LSAMP: variants seen among roughly 807,000 people sequenced by gnomAD.
The protein encoded by LSAMP is limbic system-associated membrane protein.
Under a neutral mutation model 38.6 loss-of-function variants are expected in LSAMP, and 7 were observed. The ratio of observed to expected loss-of-function variants is 0.18; its 90% CI spans 0.10 to 0.34. The LOEUF is 0.34. Among genes scored for constraint, LSAMP ranks in the 10% least tolerant of loss-of-function variants. The probability of loss-of-function intolerance (pLI) is 1.00; values close to 1 mark genes in which losing one functional copy is unlikely to be tolerated. For missense variants in LSAMP, 313 were observed against 420.0 expected, an observed-to-expected ratio of 0.75 and a Z score of 2.23; for synonymous variants, 154 against 166.8, an observed-to-expected ratio of 0.92 and a Z score of 0.59.
At chr3:116,265,554 A>G in intron 1 of LSAMP, among the ~76,000 whole-genome samples, 1 of 151,960 alleles carries the variant, frequency 6.6e-6, no homozygotes. Context: ...GAATCTAAAT[A>G]CTCGTTCCAG....
chr3:116,134,226 T>A (rs1709197317), intron 1 of LSAMP, among the ~76,000 whole-genome samples: 1 of 152,138 alleles, frequency 6.6e-6, no homozygotes, highest in Non-Finnish European at 1.5e-5. Context: ...AATCAGCATA[T>A]CCAACAAGGA....
Position 116,054,096 on chromosome 3 carries a change from A to G in LSAMP, c.388+32228T>C, listed in dbSNP as rs78413976. On this transcript the variant is annotated intron_variant, in intron 2 of 6. Coordinates refer to ENST00000490035, the MANE Select transcript of LSAMP (RefSeq NM_002338.5). ...CTATGGTCCTTCTTGAGGCTGAAGA[A>G]GGAATCAATTCCTTGCCTTCTCCAG... 1.8e-3 allele frequency among the ~76,000 whole-genome samples: 279 copies of G among 152,300 alleles called. 6 individuals carry two copies. In the East Asian group the frequency reaches 0.046, roughly 25 times the overall value.
chr3:115,991,617 T>C (rs1224716422), intron 3 of LSAMP, among the ~76,000 whole-genome samples: 1 of 152,076 alleles, frequency 6.6e-6, no homozygotes, highest in Non-Finnish European at 1.5e-5. Flanking sequence ...ATAGTCATAG[T>C]AATCGAGGGG....
At chr3:116,127,398 A>T (rs184366199) in intron 1 of LSAMP, among the ~76,000 whole-genome samples, 1 of 152,296 alleles carries the variant, frequency 6.6e-6, no homozygotes, top group Admixed American at 6.5e-5. Flanking sequence ...GGATTCAACC[A>T]ATGTCCTTTC....
intron 3 of LSAMP, among the ~76,000 whole-genome samples, chr3:115,964,507 A>G (rs1164533605): frequency 1.3e-5 from 2 of 152,216 alleles, no homozygotes; most frequent in Non-Finnish European, 1.5e-5. Flanking sequence ...AATGCCCTCT[A>G]TCACTACTTC....
At chr3:116,379,298 G>C (rs1417278916) in intron 1 of LSAMP, among the ~76,000 whole-genome samples, 1 of 152,190 alleles carries the variant, frequency 6.6e-6, no homozygotes, top group East Asian at 1.9e-4. Context: ...GGGATAAAAA[G>C]TGATGGGGTA....
chr3:116,005,355 A>G (rs1243025755), intron 3 of LSAMP, among the ~76,000 whole-genome samples: 1 of 152,160 alleles, frequency 6.6e-6, no homozygotes, highest in Admixed American at 6.6e-5. Context: ...GTCAGAAGCA[A>G]GATTCAGTCC....
intron 1 of LSAMP, among the ~76,000 whole-genome samples, chr3:116,401,370 C>T (rs1389044213): frequency 6.6e-6 from 1 of 152,126 alleles, no homozygotes; most frequent in South Asian, 2.1e-4. Flanking sequence ...TAGCCTAGAC[C>T]TCCTGGGCTC....
chr3:116,207,327 C>T (rs1463277467), intron 1 of LSAMP, among the ~76,000 whole-genome samples: 3 of 152,128 alleles, frequency 2.0e-5, no homozygotes, highest in Admixed American at 6.5e-5. Context: ...TTCCTGAATA[C>T]AGCACACTGA....
At chr3:116,011,208 G>GT (rs1315340763) in intron 3 of LSAMP, among the ~76,000 whole-genome samples, 2 of 152,102 alleles carry the variant, frequency 1.3e-5, no homozygotes, top group Non-Finnish European at 2.9e-5. Context: ...CACCCGGCCA[G>GT]TTTTTGCATT....
At chr3:116,163,482 A>T (rs1709951940) in intron 1 of LSAMP, among the ~76,000 whole-genome samples, 1 of 151,292 alleles carries the variant, frequency 6.6e-6, no homozygotes, top group Non-Finnish European at 1.5e-5. Context: ...TCATTGTTGG[A>T]CATTTGGGTT....
At chr3:116,097,257 TA>T (rs1708245044) in intron 1 of LSAMP, among the ~76,000 whole-genome samples, 4 of 152,208 alleles carry the variant, frequency 2.6e-5, no homozygotes, top group Non-Finnish European at 4.4e-5. Flanking sequence ...GTTTATTCTT[TA>T]TCTCATTCCA....
chr3:116,397,823 T>C (rs2048788652), intron 1 of LSAMP, among the ~76,000 whole-genome samples: 1 of 152,086 alleles, frequency 6.6e-6, no homozygotes, highest in Non-Finnish European at 1.5e-5. Context: ...TGGCCAGAAG[T>C]GGTAGGCTGT....
chr3:115,853,327 G>T (rs1049969377), intron 3 of LSAMP, among the ~76,000 whole-genome samples: 1 of 152,160 alleles, frequency 6.6e-6, no homozygotes, highest in African/African-American at 2.4e-5. Context: ...TAGGCCATGG[G>T]CCAGATCCAT....
At chr3:116,235,019 T>C (rs1316240718) in intron 1 of LSAMP, among the ~76,000 whole-genome samples, 1 of 101,416 alleles carries the variant, frequency 9.9e-6, no homozygotes, top group Non-Finnish European at 2.4e-5. Flanking sequence ...TATGTAGCAT[T>C]ATATTTCCAC....
chr3:116,331,942 G>T (rs1279284900), intron 1 of LSAMP, among the ~76,000 whole-genome samples: 1 of 151,876 alleles, frequency 6.6e-6, no homozygotes, highest in Non-Finnish European at 1.5e-5. Flanking sequence ...GGCTCAAAAA[G>T]TCCTCTCACC....
chr3:116,023,361 G>A (rs988942286), intron 2 of LSAMP, among the ~76,000 whole-genome samples: 6 of 151,704 alleles, frequency 4.0e-5, no homozygotes, highest in South Asian at 2.1e-4. Flanking sequence ...TTGGGAGGCC[G>A]AGGCAGGTGG....
intron 2 of LSAMP, among the ~76,000 whole-genome samples, chr3:116,067,193 T>C (rs1205656117): frequency 6.6e-6 from 1 of 152,188 alleles, no homozygotes; most frequent in Non-Finnish European, 1.5e-5. Context: ...CTATGATGCC[T>C]TAGTGTCTGA....
intron 4 of LSAMP, 41 bp from the exon 5 acceptor site, chr3:115,842,619 G>A (rs1011829777): frequency 6.2e-7 from 1 of 1,607,288 alleles, no homozygotes; most frequent in South Asian, 1.1e-5. Context: ...TGAGGGTCGG[G>A]GTGCTTAGAA....
Sources: gnomAD v4.1 joint callset for allele counts (sites outside exome capture counted in the v4.1 genomes callset) on GRCh38, gnomAD v4.1.1 for gene constraint, MANE v1.5 for transcripts, NCBI Gene and HGNC (gene_info 2026-07-23, HGNC 2026-07-21) for gene names.